The following BAZ2A variants were observed in gnomAD, a reference collection of about 807,000 sequenced individuals.
BAZ2A encodes bromodomain adjacent to zinc finger domain protein 2A.
A neutral mutation model predicts 199.9 loss-of-function variants in BAZ2A; 34 were observed. The ratio of observed to expected loss-of-function variants is 0.17; its 90% confidence interval spans 0.13 to 0.23. The LOEUF is 0.23. Ranked by LOEUF, BAZ2A falls within the 10% of genes least tolerant of loss-of-function variation. The pLI is 1.00. For missense variants in BAZ2A, 2,002 were observed against 2,391.1 expected, an observed-to-expected ratio of 0.84 and a Z score of 3.39; for synonymous variants, 857 against 883.9, an observed-to-expected ratio of 0.97 and a Z score of 0.54.
Position 56,613,157 on chromosome 12 carries a change from G to C in BAZ2A, c.993C>G (p.Asp331Glu). The C allele has an allele frequency of 6.2e-7, 1 of 1,614,006 alleles. No homozygotes were observed. The highest frequency in any genetic ancestry group is 8.5e-7 in the Non-Finnish European group (1 of 1,179,894). The change falls in exon 5 of 29, where the codon GAC becomes GAG. Residue 331 changes from aspartate (D) to glutamate (E), a missense_variant. Physicochemically the swap from Asp to Glu is conservative, Grantham distance 45 (BLOSUM62 2). Around this residue, in one of 6 missense-constraint regions of BAZ2A, gnomAD observed 641 missense variants for 694.5 expected, o/e 0.92. Coordinates refer to ENST00000549884, the MANE Select transcript of BAZ2A (RefSeq NM_001300905.2). The part of the protein sequence containing the change: ...MGAEDKLPLE[D>E]SPVISALDCP... ...AATCAAGGGCAGAAATCACAGGGCT[G>C]TCCTCAAGAGGCAGCTTGTCCTCTG...
chr12:56,630,041 C>A (rs918557012), intron 1 of BAZ2A, 84 bp downstream of exon 1: 13 of 902,170 alleles, frequency 1.4e-5, no homozygotes, highest in Non-Finnish European at 1.7e-5. Flanking sequence ...CAAGCCGGCT[C>A]TGGAGCTTCT....
Position 56,600,472 on chromosome 12 carries a change from G to A in BAZ2A, c.4621C>T (p.Pro1541Ser). The A allele has an allele frequency of 6.2e-7, 1 of 1,613,326 alleles. No individual in the cohort carries two copies. Among genetic ancestry groups the A allele is most frequent in the Non-Finnish European group, 8.5e-7 (1 of 1,179,704 alleles). ...LQIRGWTCPS[P>S]DSTREDLAYC... ...GCCAAGTCTTCACGGGTAGAGTCTG[G>A]GCTAGGACATGTCCAGCCCTTCAGT... The change falls in exon 24 of 29, where the codon CCA becomes TCA. Residue 1541 changes from proline to serine, a missense_variant. Pro to Ser is a moderately conservative substitution (Grantham distance 74). Coordinates refer to ENST00000549884, the MANE Select transcript of BAZ2A (RefSeq NM_001300905.2).
At chr12:56,636,243 C>T (rs1951447458) in exon 1 of BAZ2A, 1 of 1,569,318 alleles carries the variant, frequency 6.4e-7, no homozygotes, top group East Asian at 2.4e-5. Context: ...CCTTGGGCCT[C>T]CACTTCACGT....
intron 15 of BAZ2A, 113 bp from the exon 16 acceptor site, chr12:56,604,404 G>T: frequency 7.5e-7 from 1 of 1,330,666 alleles, no homozygotes; most frequent in Non-Finnish European, 1.0e-6. Flanking sequence ...CCCAGATTGG[G>T]TGAATGGCAG....
upstream of BAZ2A, chr12:56,635,029 C>G (rs1237327142): frequency 2.0e-6 from 2 of 984,448 alleles, no homozygotes; most frequent in Non-Finnish European, 2.4e-6. The surrounding 1 kb of genome is among the most constrained non-coding windows in gnomAD (Gnocchi z 4.1). Context: ...CCTCCTCCCC[C>G]AGCCCTGGGC....
chr12:56,604,865 C>A, intron 14 of BAZ2A, 66 bp from the exon 15 acceptor site: 1 of 1,530,650 alleles, frequency 6.5e-7, no homozygotes, highest in Non-Finnish European at 8.9e-7. Flanking sequence ...GGTGAATGTG[C>A]AAGAGGAAAA....
rs775548821 is a variant in BAZ2A at position 56,598,576 on chromosome 12, G to A, written c.*42C>T. The A allele has an allele frequency of 9.4e-6, 15 of 1,595,828 alleles. No individual in the cohort carries two copies. In the Admixed American group the frequency reaches 2.4e-4, roughly 25 times the overall value. On this transcript the variant is annotated 3_prime_UTR_variant, in exon 29 of 29. Transcript: ENST00000549884. ...AAAATGGCAGGTTTTTGTTTGGAAG[G>A]TGGGGGGAGATGCCACAAGGTGACT...
At chr12:56,612,779 C>T (rs1290622409) in intron 5 of BAZ2A, among the ~76,000 whole-genome samples, 1 of 152,176 alleles carries the variant, frequency 6.6e-6, no homozygotes, top group Non-Finnish European at 1.5e-5. Flanking sequence ...TGTGCCAACA[C>T]ACCTGGCTAA....
intron 24 of BAZ2A, 44 bp downstream of exon 24, chr12:56,600,157 C>G (rs372683075): frequency 3.7e-6 from 6 of 1,612,168 alleles, no homozygotes; most frequent in Admixed American, 1.7e-5. Context: ...GGGAACTTAT[C>G]CCTTTCTCTC....
rs1555205979 is a variant in BAZ2A at position 56,601,896 on chromosome 12, A to G, written c.3721T>C (p.Ser1241Pro). ...PQPQLQLQLQ[S>P]HKGFLEQEGS... ...TCTTGCTCCAGGAACCCCTTATGGG[A>G]CTGAAGCTGAAGCTGAAGCTGAGGC... is the stretch of plus-strand genomic sequence containing the variant. The change falls in exon 20 of 29, where the codon TCC (serine) becomes CCC (proline). Residue 1241 changes from serine (S) to proline (P), a missense_variant. Physicochemically the swap from Ser to Pro is moderately conservative, Grantham distance 74. Coordinates refer to ENST00000549884, the MANE Select transcript of BAZ2A (RefSeq NM_001300905.2). 2.6e-5 allele frequency: 42 copies of G among 1,611,078 alleles called. No homozygotes were observed. The highest frequency in any genetic ancestry group is 3.4e-5 in the Non-Finnish European group (40 of 1,178,616).
chr12:56,604,740 T>G lies in BAZ2A; in HGVS notation c.2808A>C (p.Ser936=), dbSNP rs1486889538. ...CCATAAGGAAGCAGCGCAGGATCTC[T>G]GACACATTGTCTCTTGTCAGTGGGA... The part of the protein sequence containing the change: ...SEIPLTRDNV[S]EILRCFLMAY... Residue 936 remains serine, a synonymous_variant, in exon 15 of 29, where the codon TCA becomes TCC. Transcript: ENST00000549884. 6.2e-7 allele frequency: 1 copy of G among 1,613,902 alleles called. No individual in the cohort carries two copies. Among genetic ancestry groups the G allele is most frequent in the Middle Eastern group, 1.6e-4 (1 of 6,062 alleles).
In BAZ2A at chr12:56,609,793, T is replaced by C. The variant is rs1296586004; in HGVS notation, c.2035A>G (p.Ile679Val). Reference sequence around the variant, plus strand: ...TCTGTCTTGTTCAATAGCTCAGTGATTTTGACCTTAGGTGGCCGACCTCGA... The same window carrying C: ...TCTGTCTTGTTCAATAGCTCAGTGACTTTGACCTTAGGTGGCCGACCTCGA... ...RGRGRPPKVK[I>V]TELLNKTDNR... is the part of the protein sequence containing the mutation. The change falls in exon 10 of 29, where the codon ATC becomes GTC. Residue 679 changes from isoleucine to valine, a missense_variant. By Grantham distance (29) the Ile-to-Val change is conservative. Around this residue, in one of 6 missense-constraint regions of BAZ2A, gnomAD observed 1,081 missense variants for 1,274.7 expected, o/e 0.85. Transcript: ENST00000549884. 1.2e-6 allele frequency: 2 copies of C among 1,613,932 alleles called. No individual in the cohort carries two copies. The highest frequency in any genetic ancestry group is 2.2e-5 in the East Asian group (1 of 44,890).
chr12:56,636,364 C>T, exon 1 of BAZ2A: 1 of 1,412,728 alleles, frequency 7.1e-7, no homozygotes, highest in East Asian at 2.6e-5. Context: ...AGGGTGATGT[C>T]CCTGTGTGAC....
Position 56,630,147 on chromosome 12 carries a change from G to C in BAZ2A, c.-25C>G. 1 of 985,568 alleles carries C rather than the reference G, an allele frequency of 1.0e-6. No homozygotes were observed. The highest frequency in any genetic ancestry group is 1.2e-6 in the Non-Finnish European group (1 of 830,010). 61.1% of individuals were successfully genotyped at this position (985,568 alleles called of 1,614,324 possible). On this transcript the variant is annotated 5_prime_UTR_variant, in exon 1 of 29. Transcript: ENST00000549884. ...AACCTGAGGCAGCGGCGTCCAGCCG[G>C]GCTCGGGGCTCGTCTCTCCCCGGGG...
upstream of BAZ2A, chr12:56,630,776 C>T (rs1951287641): frequency 1.3e-5 from 13 of 985,506 alleles, 1 homozygote; most frequent in South Asian, 4.7e-4. Context: ...ACCCACTCAC[C>T]TCTGTCCCTT....
At chr12:56,636,127 CAGGG>C (rs1951444026) in intron 1 of BAZ2A, 1 of 1,544,762 alleles carries the variant, frequency 6.5e-7, no homozygotes. Context: ...CTGAGTCAGC[CAGGG>C]AGGGAGTAGG....
intron 10 of BAZ2A, among the ~76,000 whole-genome samples, chr12:56,608,554 C>CTAT (rs1022814478): frequency 2.0e-5 from 3 of 151,464 alleles, no homozygotes; most frequent in African/African-American, 4.8e-5. Context: ...AAAACAGTGC[C>CTAT]TATTATTATT....
In BAZ2A at chr12:56,601,987, C is replaced by A; in HGVS notation, c.3630G>T (p.Gln1210His). 6.4e-7 allele frequency: 1 copy of A among 1,556,808 alleles called. No individual in the cohort carries two copies. The highest frequency in any genetic ancestry group is 2.4e-5 in the East Asian group (1 of 41,142). ...PRHLKSPVRGQDSEQPQAQLQ... is the reference protein window; with the variant it reads ...PRHLKSPVRGHDSEQPQAQLQ... ...GCTGGGCCTGGGGCTGTTCTGAATC[C>A]TGACCCCTGACAGGGGACTTAAGAT... is the stretch of plus-strand genomic sequence containing the variant. The change falls in exon 20 of 29, where the codon CAG (glutamine) becomes CAT (histidine). Residue 1210 changes from glutamine to histidine, a missense_variant. Gln to His is a conservative substitution (Grantham distance 24). Transcript: ENST00000549884.
upstream of BAZ2A, chr12:56,634,809 G>A (rs1261448024): frequency 2.6e-6 from 2 of 770,300 alleles, no homozygotes; most frequent in African/African-American, 3.8e-5. Flanking sequence ...AGATAGTTCA[G>A]GGGAGAGAGG....
Sources: gnomAD v4.1 joint callset for allele counts (sites outside exome capture counted in the v4.1 genomes callset) on GRCh38, gnomAD v4.1.1 for gene constraint, gnomAD v4.1.1 regional missense constraint, Gnocchi (gnomAD v3.1) non-coding constraint, MANE v1.5 for transcripts, NCBI Gene and HGNC (gene_info 2026-07-23, HGNC 2026-07-21) for gene names.